The following KIF26B variants were observed in gnomAD, a reference collection of about 807,000 sequenced individuals.
KIF26B encodes kinesin-like protein KIF26B.
A neutral mutation model predicts 151.2 loss-of-function variants in KIF26B; 63 were observed. That is an observed-to-expected ratio of 0.42 (90% CI 0.34 to 0.51). The LOEUF (loss-of-function observed/expected upper bound fraction) is 0.51, where lower values mean the gene tolerates loss of function less well. Among genes scored for constraint, KIF26B ranks in the 20% least tolerant of loss-of-function variants. The pLI is 0.07. For missense variants in KIF26B, 2,813 were observed against 2,913.6 expected, an observed-to-expected ratio of 0.97 and a Z score of 0.79; for synonymous variants, 1,357 against 1,262.1, an observed-to-expected ratio of 1.08 and a Z score of -1.59.
chr1:245,526,434 T>C (rs1212581806), intron 4 of KIF26B, among the ~76,000 whole-genome samples: 9 of 152,230 alleles, frequency 5.9e-5, no homozygotes, highest in Non-Finnish European at 2.9e-5. Context: ...CTGTGTCTGG[T>C]ACCTATTTGT....
At chr1:245,461,153 C>T (rs1192918498) in intron 4 of KIF26B, among the ~76,000 whole-genome samples, 1 of 152,126 alleles carries the variant, frequency 6.6e-6, no homozygotes, top group Non-Finnish European at 1.5e-5. Flanking sequence ...TGAAGCAGTC[C>T]TGGAAGAAAA....
In KIF26B at chr1:245,227,942, C is replaced by T. The variant is rs1209254860; in HGVS notation, c.465+71259C>T. The stretch of plus-strand genomic sequence containing the variant: ...GCTTGAACCCGGGAGGCGGAGGTTG[C>T]AGTGAGCTCAGGTTGCGCCTCTGCA... On this transcript the variant is annotated intron_variant, in intron 2 of 14. Coordinates refer to ENST00000407071, the MANE Select transcript of KIF26B (RefSeq NM_018012.4). The surrounding 1 kb of genome is among the most constrained non-coding windows in gnomAD (Gnocchi z 4.1). Among the ~76,000 whole-genome samples the T allele has an allele frequency of 6.6e-6, 1 of 152,146 alleles. No homozygotes were observed.
At chr1:245,293,342 A>C (rs1212434857) in intron 2 of KIF26B, among the ~76,000 whole-genome samples, 1 of 151,740 alleles carries the variant, frequency 6.6e-6, no homozygotes, top group East Asian at 1.9e-4. Context: ...GCCACAGGAG[A>C]TGTTGTGGGG....
intron 2 of KIF26B, among the ~76,000 whole-genome samples, chr1:245,233,907 C>A (rs545727129): frequency 1.3e-5 from 2 of 151,956 alleles, no homozygotes; most frequent in African/African-American, 4.8e-5. Context: ...TCGGGCTGGG[C>A]GCGGTGGCTC....
Position 245,698,642 on chromosome 1 carries a change from C to G in KIF26B, c.6028-245C>G, listed in dbSNP as rs1436554408. Among the ~76,000 whole-genome samples the G allele has an allele frequency of 6.6e-6, 1 of 151,238 alleles. No individual in the cohort carries two copies. Among genetic ancestry groups the G allele is most frequent in the Non-Finnish European group, 1.5e-5 (1 of 67,462 alleles). Reference sequence around the variant, plus strand: ...GAACACCCACCACCTGCTTTCTCAACTTAAGAATGGCCTGTCATAGTCCAA... The same window carrying G: ...GAACACCCACCACCTGCTTTCTCAAGTTAAGAATGGCCTGTCATAGTCCAA... On this transcript the variant is annotated intron_variant, in intron 13 of 14. Coordinates refer to ENST00000407071, the MANE Select transcript of KIF26B (RefSeq NM_018012.4). The surrounding 1 kb of genome is among the most constrained non-coding windows in gnomAD (Gnocchi z 4.0).
intron 2 of KIF26B, among the ~76,000 whole-genome samples, chr1:245,177,986 C>G (rs914788332): frequency 2.0e-5 from 3 of 152,120 alleles, no homozygotes; most frequent in Non-Finnish European, 4.4e-5. Context: ...TAGGAAAGGT[C>G]TGAAGATCGA....
chr1:245,590,344 C>T (rs1370267514), intron 5 of KIF26B, among the ~76,000 whole-genome samples: 3 of 152,178 alleles, frequency 2.0e-5, no homozygotes, highest in Non-Finnish European at 2.9e-5. Context: ...GGAAATGGGC[C>T]CTTTATTCAC....
intron 3 of KIF26B, among the ~76,000 whole-genome samples, chr1:245,398,364 G>A (rs1673911080): frequency 6.6e-6 from 1 of 152,134 alleles, no homozygotes; most frequent in African/African-American, 2.4e-5. Flanking sequence ...CAGGGTTCAT[G>A]GAGCCTGTGG....
chr1:245,540,746 T>C lies in KIF26B; in HGVS notation c.1167-21T>C. 1 of 1,604,642 alleles carries C rather than the reference T, an allele frequency of 6.2e-7. No homozygotes were observed. The highest frequency in any genetic ancestry group is 8.5e-7 in the Non-Finnish European group (1 of 1,171,432). ...TGATCGTACAATCATTTTCCCCTTATTGTTCCTTTTTCCACTCCAGAGCTG... is the reference window on the plus strand; with the variant it reads ...TGATCGTACAATCATTTTCCCCTTACTGTTCCTTTTTCCACTCCAGAGCTG... On this transcript the variant is annotated intron_variant, in intron 4 of 14. Coordinates refer to ENST00000407071, the MANE Select transcript of KIF26B (RefSeq NM_018012.4). This position sits in a 1 kb window ranked among gnomAD's most constrained non-coding sequence, Gnocchi z 4.6.
chr1:245,436,069 T>C (rs1355762576), intron 4 of KIF26B, among the ~76,000 whole-genome samples: 1 of 150,798 alleles, frequency 6.6e-6, no homozygotes, highest in Non-Finnish European at 1.5e-5. Context: ...CCGAGCGACT[T>C]GGGAGGCTGA....
Position 245,667,590 on chromosome 1 carries a change from G to A in KIF26B, c.2259-16643G>A, listed in dbSNP as rs549533318. On this transcript the variant is annotated intron_variant, in intron 10 of 14. Transcript: ENST00000407071. The surrounding 1 kb of genome is among the most constrained non-coding windows in gnomAD (Gnocchi z 4.3). ...TTCTTGTGATGGAGAGGTACACCCA[G>A]TAGATACTTATTTAAATACTTATAG... is the stretch of plus-strand genomic sequence containing the variant. Among the ~76,000 whole-genome samples, 1 of 152,328 alleles carries A rather than the reference G, an allele frequency of 6.6e-6. No individual in the cohort carries two copies. Among genetic ancestry groups the A allele is most frequent in the South Asian group, 2.1e-4 (1 of 4,826 alleles).
intron 3 of KIF26B, among the ~76,000 whole-genome samples, chr1:245,373,554 A>G (rs1461103675): frequency 6.6e-6 from 1 of 152,224 alleles, no homozygotes; most frequent in Non-Finnish European, 1.5e-5. Flanking sequence ...TGGACCGTTG[A>G]TGCAATGAAG....
intron 4 of KIF26B, among the ~76,000 whole-genome samples, chr1:245,444,289 C>T (rs1237851622): frequency 6.6e-6 from 1 of 152,212 alleles, no homozygotes; most frequent in African/African-American, 2.4e-5. Context: ...TTTTCAGCGG[C>T]CCTCCAGGCC....
At chr1:245,569,784 CCT>C (rs1323718184) in intron 5 of KIF26B, among the ~76,000 whole-genome samples, 4 of 151,236 alleles carry the variant, frequency 2.6e-5, no homozygotes, top group African/African-American at 9.7e-5. Context: ...AGAGTGAGAC[CCT>C]GTCTCAAACA....
At chr1:245,383,041 A>ATATG (rs1673451203) in intron 3 of KIF26B, among the ~76,000 whole-genome samples, 1 of 108,002 alleles carries the variant, frequency 9.3e-6, no homozygotes, top group Non-Finnish European at 1.9e-5. Context: ...ATGTATATGT[A>ATATG]TATATATATA....
chr1:245,419,757 G>A lies in KIF26B; in HGVS notation c.1166+12G>A. ...TCCTTCTTTGCACGGTAAGAGAGCT[G>A]TTCAGATCCTTGGTTCTTTCCGATG... On this transcript the variant is annotated intron_variant, in intron 4 of 14. Transcript: ENST00000407071. 1 of 1,598,464 alleles carries A rather than the reference G, an allele frequency of 6.3e-7. No homozygotes were observed. The highest frequency in any genetic ancestry group is 8.5e-7 in the Non-Finnish European group (1 of 1,171,602).
At chr1:245,595,471 T>C (rs1443573737) in intron 5 of KIF26B, among the ~76,000 whole-genome samples, 1 of 152,240 alleles carries the variant, frequency 6.6e-6, no homozygotes, top group Non-Finnish European at 1.5e-5. Context: ...ATTTATTGAT[T>C]TGCGTATGTT....
chr1:245,658,639 G>A (rs922850105), intron 10 of KIF26B, among the ~76,000 whole-genome samples: 16 of 152,086 alleles, frequency 1.1e-4, no homozygotes, highest in Admixed American at 1.0e-3. Context: ...CAATCCTCCT[G>A]CCTTGGCCTC....
At chr1:245,363,526 A>G (rs1164089353) in intron 2 of KIF26B, among the ~76,000 whole-genome samples, 1 of 151,754 alleles carries the variant, frequency 6.6e-6, no homozygotes, top group African/African-American at 2.4e-5. Context: ...ATTTATGACT[A>G]CCCTCCCTTA....
Sources: gnomAD v4.1 joint callset for allele counts (sites outside exome capture counted in the v4.1 genomes callset) on GRCh38, gnomAD v4.1.1 for gene constraint, Gnocchi (gnomAD v3.1) non-coding constraint, MANE v1.5 for transcripts, NCBI Gene and HGNC (gene_info 2026-07-23, HGNC 2026-07-21) for gene names.